The following GRB10 variants were observed in gnomAD, a reference collection of about 807,000 sequenced individuals.
GRB10 encodes the protein growth factor receptor-bound protein 10.
A neutral mutation model predicts 80.9 loss-of-function variants in GRB10; 20 were observed. The observed-to-expected ratio is 0.25, with a 90% CI of 0.17 to 0.36. The LOEUF is 0.36. Among genes scored for constraint, GRB10 ranks in the 10% least tolerant of loss-of-function variants. GRB10 has a pLI of 1.00. For missense variants in GRB10, 548 were observed against 747.7 expected, an observed-to-expected ratio of 0.73 and a Z score of 3.12; for synonymous variants, 291 against 291.5, an observed-to-expected ratio of 1.00 and a Z score of 0.02.
intron 2 of GRB10, among the ~76,000 whole-genome samples, chr7:50,763,107 G>A (rs2075943094): frequency 6.8e-6 from 1 of 147,392 alleles, no homozygotes; most frequent in South Asian, 2.1e-4. Context: ...GACAGAGCAA[G>A]ACTCCGTCTC....
intron 7 of GRB10, among the ~76,000 whole-genome samples, chr7:50,639,556 C>T (rs1200497496): frequency 6.6e-6 from 1 of 152,132 alleles, no homozygotes; most frequent in Non-Finnish European, 1.5e-5. Context: ...GCCTGTAGTC[C>T]CAGCTACTTG....
chr7:50,756,683 C>A (rs1231542644), intron 2 of GRB10, among the ~76,000 whole-genome samples: 3 of 152,130 alleles, frequency 2.0e-5, no homozygotes, highest in Non-Finnish European at 4.4e-5. Context: ...GGGTTCTAGG[C>A]ATGGAGAAGA....
intron 7 of GRB10, among the ~76,000 whole-genome samples, chr7:50,642,811 T>C (rs2056510664): frequency 6.6e-6 from 1 of 152,194 alleles, no homozygotes; most frequent in Non-Finnish European, 1.5e-5. Context: ...ATAAATATAA[T>C]GTGTTCATTG....
intron 7 of GRB10, 139 bp downstream of exon 7, chr7:50,669,583 T>G: frequency 1.2e-6 from 1 of 827,868 alleles, no homozygotes; most frequent in Non-Finnish European, 2.0e-6. Flanking sequence ...ACAAGTACTG[T>G]GACAACAAGA....
intron 14 of GRB10, 135 bp from the exon 15 acceptor site, chr7:50,605,541 T>C (rs1452400908): frequency 2.3e-5 from 18 of 791,202 alleles, no homozygotes; most frequent in Non-Finnish European, 4.0e-5. Flanking sequence ...CTCCCCAAGT[T>C]TCAGGTGGGA....
intron 5 of GRB10, among the ~76,000 whole-genome samples, chr7:50,689,969 T>C (rs1184996488): frequency 1.3e-5 from 2 of 151,084 alleles, no homozygotes; most frequent in Non-Finnish European, 2.9e-5. Context: ...TCTGGCTGAT[T>C]AGTACTGGTT....
At chr7:50,626,372 T>C (rs1383109639) in intron 8 of GRB10, among the ~76,000 whole-genome samples, 1 of 152,224 alleles carries the variant, frequency 6.6e-6, no homozygotes, top group Non-Finnish European at 1.5e-5. Flanking sequence ...TCTCTGCACT[T>C]TGCTGCCTAT....
intron 4 of GRB10, among the ~76,000 whole-genome samples, chr7:50,720,839 T>C (rs1428052571): frequency 6.6e-6 from 1 of 152,160 alleles, no homozygotes; most frequent in Admixed American, 6.5e-5. Context: ...TACTGCTTGT[T>C]TAAAATAGCA....
chr7:50,713,774 C>G (rs2153678882), intron 4 of GRB10, among the ~76,000 whole-genome samples: 1 of 150,430 alleles, frequency 6.6e-6, no homozygotes, highest in East Asian at 2.0e-4. Context: ...TCCCTCACCT[C>G]CACCTCCTCC....
chr7:50,679,801 T>C (rs961442216), intron 5 of GRB10, among the ~76,000 whole-genome samples: 3 of 152,224 alleles, frequency 2.0e-5, no homozygotes, highest in African/African-American at 7.2e-5. Flanking sequence ...TCCTTACACA[T>C]TTCTATCTAG....
intron 7 of GRB10, among the ~76,000 whole-genome samples, chr7:50,644,238 C>T (rs2056788593): frequency 6.6e-6 from 1 of 152,140 alleles, no homozygotes; most frequent in Admixed American, 6.5e-5. Flanking sequence ...AGGTGGGGTT[C>T]CTTGAGTCCA....
intron 17 of GRB10, among the ~76,000 whole-genome samples, chr7:50,602,192 A>G (rs1161188699): frequency 1.3e-5 from 2 of 152,228 alleles, no homozygotes; most frequent in Non-Finnish European, 2.9e-5. Flanking sequence ...CTAATGCAAG[A>G]AAGAACTTCA....
At chr7:50,746,752 A>G (rs1205221169) in intron 3 of GRB10, among the ~76,000 whole-genome samples, 6 of 151,734 alleles carry the variant, frequency 4.0e-5, no homozygotes, top group East Asian at 1.9e-4. Context: ...CAGAACACCC[A>G]TATCACTTCA....
Position 50,619,296 on chromosome 7 carries a change from A to C in GRB10, c.662-11T>G, listed in dbSNP as rs752254138. 6.6e-7 allele frequency: 1 copy of C among 1,524,148 alleles called. No homozygotes were observed. The highest frequency in any genetic ancestry group is 1.1e-5 in the South Asian group (1 of 89,322). 94.4% of individuals were successfully genotyped at this position (1,524,148 alleles called of 1,614,324 possible). A position where few individuals can be genotyped will look rare whatever the true frequency, so the allele number is the denominator to read the frequency against. ...CTTCCAAGCACCTCTCTGCAGGGGCAAAGCATCACGTGTGAGACGCAACAG... is the reference window on the plus strand; with the variant it reads ...CTTCCAAGCACCTCTCTGCAGGGGCCAAGCATCACGTGTGAGACGCAACAG... On this transcript the variant is annotated splice_polypyrimidine_tract_variant and intron_variant, in intron 8 of 18. Transcript: ENST00000401949.
chr7:50,637,906 C>A (rs1216489593), intron 7 of GRB10, among the ~76,000 whole-genome samples: 1 of 152,108 alleles, frequency 6.6e-6, no homozygotes, highest in African/African-American at 2.4e-5. Flanking sequence ...CACATACTTA[C>A]AACCAACTGA....
At chr7:50,753,092 T>A (rs1285567239) in intron 3 of GRB10, among the ~76,000 whole-genome samples, 1 of 152,122 alleles carries the variant, frequency 6.6e-6, no homozygotes, top group Non-Finnish European at 1.5e-5. Context: ...CCCAGCTGAT[T>A]CCCCCAAGTC....
At chr7:50,688,761 G>A (rs2062410967) in intron 5 of GRB10, among the ~76,000 whole-genome samples, 1 of 146,788 alleles carries the variant, frequency 6.8e-6, no homozygotes. Context: ...GGCAGGCAGT[G>A]AGTGACAAGG....
chr7:50,762,999 T>A (rs1448011684), intron 2 of GRB10, among the ~76,000 whole-genome samples: 1 of 151,786 alleles, frequency 6.6e-6, no homozygotes, highest in East Asian at 1.9e-4. Flanking sequence ...ACGCCTGTAG[T>A]CCCAGCTACT....
chr7:50,606,275 T>G, intron 14 of GRB10, 62 bp downstream of exon 14: 1 of 1,317,842 alleles, frequency 7.6e-7, no homozygotes, highest in Non-Finnish European at 1.1e-6. Flanking sequence ...GAGGCGTCCT[T>G]AACACATGTG....
Sources: allele counts gnomAD v4.1 joint callset (sites outside exome capture counted in the v4.1 genomes callset), GRCh38; gene constraint gnomAD v4.1.1; transcripts MANE v1.5; gene names NCBI Gene and HGNC (gene_info 2026-07-23, HGNC 2026-07-21).